Variants in ARID5B observed in about 807,000 individuals in gnomAD.
ARID5B encodes the protein AT-rich interactive domain-containing protein 5B.
In ARID5B, 13 loss-of-function variants were observed where a neutral mutation model predicts 97.2. The observed-to-expected ratio is 0.13, with a 90% CI of 0.09 to 0.21. The LOEUF is 0.21. Among genes scored for constraint, ARID5B ranks in the 10% least tolerant of loss-of-function variants. ARID5B has a pLI of 1.00. For missense variants in ARID5B, 1,210 were observed against 1,465.3 expected, an observed-to-expected ratio of 0.83 and a Z score of 2.84; for synonymous variants, 556 against 570.3, an observed-to-expected ratio of 0.97 and a Z score of 0.36.
intron 4 of ARID5B, among the ~76,000 whole-genome samples, chr10:62,021,625 C>A (rs1383586330): frequency 6.6e-6 from 1 of 152,208 alleles, no homozygotes; most frequent in Non-Finnish European, 1.5e-5. Flanking sequence ...ATGTGTGAAC[C>A]AGAAACATCC....
intron 4 of ARID5B, among the ~76,000 whole-genome samples, chr10:62,021,946 A>T (rs1040884953): frequency 6.6e-6 from 1 of 152,246 alleles, no homozygotes; most frequent in Non-Finnish European, 1.5e-5. Flanking sequence ...ATGATTTATC[A>T]ATTTTCTCCT....
intron 3 of ARID5B, among the ~76,000 whole-genome samples, chr10:61,957,906 A>G (rs1270085349): frequency 6.6e-6 from 1 of 152,228 alleles, no homozygotes; most frequent in Non-Finnish European, 1.5e-5. Context: ...TTCATGCTTC[A>G]TAAGGCCAGG....
intron 4 of ARID5B, among the ~76,000 whole-genome samples, chr10:62,047,487 T>G (rs533127923): frequency 7.3e-4 from 111 of 152,300 alleles, no homozygotes; most frequent in African/African-American, 2.6e-3. Context: ...ATGCTATCAG[T>G]AAGGGTACTG....
intron 6 of ARID5B, 145 bp from the exon 7 acceptor site, chr10:62,059,098 A>T: frequency 1.7e-6 from 1 of 581,670 alleles, no homozygotes; most frequent in South Asian, 2.6e-5. Context: ...CTTTGGGCAA[A>T]TTGTTTCCTA....
chr10:61,918,872 A>G (rs1241643132), intron 2 of ARID5B, among the ~76,000 whole-genome samples: 1 of 152,172 alleles, frequency 6.6e-6, no homozygotes, highest in Non-Finnish European at 1.5e-5. Flanking sequence ...TGTCTGTACC[A>G]AAAACACAAA....
At chr10:62,067,362 C>T (rs993530971) in intron 7 of ARID5B, among the ~76,000 whole-genome samples, 1 of 152,210 alleles carries the variant, frequency 6.6e-6, no homozygotes, top group South Asian at 2.1e-4. Context: ...GGGTTATAGG[C>T]GTGAGCCACC....
chr10:61,970,981 G>GTGTGTA (rs2132833613), intron 3 of ARID5B, among the ~76,000 whole-genome samples: 1 of 151,820 alleles, frequency 6.6e-6, no homozygotes, highest in South Asian at 2.1e-4. Context: ...AAGTGTGTGT[G>GTGTGTA]TGTGTGTGTG....
intron 8 of ARID5B, among the ~76,000 whole-genome samples, chr10:62,075,696 C>T (rs571008044): frequency 2.6e-5 from 4 of 152,348 alleles, no homozygotes; most frequent in African/African-American, 4.8e-5. Flanking sequence ...TTCACCAGCT[C>T]GGCTTGCTCT....
intron 4 of ARID5B, among the ~76,000 whole-genome samples, chr10:62,041,122 G>A (rs1052345053): frequency 2.0e-5 from 3 of 152,014 alleles, no homozygotes; most frequent in South Asian, 2.1e-4. Context: ...GCCTCTCCAC[G>A]CCCACTCCAG....
At chr10:62,048,732 A>G (rs1183940895) in intron 4 of ARID5B, among the ~76,000 whole-genome samples, 1 of 152,218 alleles carries the variant, frequency 6.6e-6, no homozygotes, top group Non-Finnish European at 1.5e-5. Flanking sequence ...TTATTTAAAA[A>G]CAGCATGTTC....
intron 3 of ARID5B, among the ~76,000 whole-genome samples, chr10:61,951,580 T>G (rs1341248865): frequency 6.6e-6 from 1 of 152,200 alleles, no homozygotes; most frequent in Admixed American, 6.5e-5. Context: ...TTTCTTCTCT[T>G]TTTCATTAAG....
chr10:62,022,655 A>G (rs1390833341), intron 4 of ARID5B, among the ~76,000 whole-genome samples: 2 of 152,136 alleles, frequency 1.3e-5, no homozygotes, highest in Non-Finnish European at 2.9e-5. Flanking sequence ...GTTTTTTTCT[A>G]CAACAATCCC....
chr10:62,024,087 A>G (rs1357850226), intron 4 of ARID5B, among the ~76,000 whole-genome samples: 4 of 152,208 alleles, frequency 2.6e-5, no homozygotes, highest in African/African-American at 7.2e-5. Context: ...TCATCCATCC[A>G]TCTGTACTTC....
intron 3 of ARID5B, among the ~76,000 whole-genome samples, chr10:61,950,539 G>A (rs762972291): frequency 2.6e-5 from 4 of 152,036 alleles, no homozygotes; most frequent in Admixed American, 6.6e-5. Flanking sequence ...GTTTGGTGAC[G>A]CCCAACTGTA....
rs75205918 is a variant in ARID5B, at chr10:62,075,671, C to T, written c.1199+5874C>T. Among the ~76,000 whole-genome samples the T allele has an allele frequency of 2.0e-5, 3 of 152,236 alleles. No homozygotes were observed. The East Asian group carries it at 5.8e-4, about 29-fold the overall frequency. Reference sequence around the variant, plus strand: ...TGTTCCATTCAACCAAGCCTCAGAGCGTCAGTAATGGACCTTCACCAGCTC... The same window carrying T: ...TGTTCCATTCAACCAAGCCTCAGAGTGTCAGTAATGGACCTTCACCAGCTC... On this transcript the variant is annotated intron_variant, in intron 8 of 9. Transcript: ENST00000279873.
intron 2 of ARID5B, among the ~76,000 whole-genome samples, chr10:61,913,829 G>A (rs912542806): frequency 6.6e-6 from 1 of 152,150 alleles, no homozygotes; most frequent in Non-Finnish European, 1.5e-5. Flanking sequence ...TCAGCTCACC[G>A]CAACCTCCGC....
Position 62,092,669 on chromosome 10 carries a change from A to AC in ARID5B, c.3207dup (p.Lys1070GlnfsTer19). On this transcript the variant is annotated frameshift_variant, in exon 10 of 10. Transcript: ENST00000279873. LOFTEE classifies it high-confidence loss of function. ...CATTCCGGGGGCGGATCAGAAGGCC[A>AC]CAAGCTTCCCCTCTCCTCCCCTATC... The AC allele has an allele frequency of 6.2e-7, 1 of 1,614,048 alleles. No homozygotes were observed. The highest frequency in any genetic ancestry group is 8.5e-7 in the Non-Finnish European group (1 of 1,179,976).
At chr10:62,068,315 C>T (rs575580930) in intron 7 of ARID5B, among the ~76,000 whole-genome samples, 19 of 152,086 alleles carry the variant, frequency 1.2e-4, no homozygotes, top group African/African-American at 4.3e-4. Flanking sequence ...CTATTGAAAC[C>T]GATTGGTGCA....
intron 3 of ARID5B, among the ~76,000 whole-genome samples, chr10:61,979,430 C>A (rs892711711): frequency 3.3e-5 from 5 of 151,966 alleles, no homozygotes. Flanking sequence ...TTCACAGAGT[C>A]GATGGGAGAA....
Sources: allele counts gnomAD v4.1 joint callset (sites outside exome capture counted in the v4.1 genomes callset), GRCh38; gene constraint gnomAD v4.1.1; transcripts MANE v1.5; gene names NCBI Gene and HGNC (gene_info 2026-07-23, HGNC 2026-07-21).